EYS: variants seen among roughly 807,000 people sequenced by gnomAD.
EYS encodes EGF-like photoreceptor maintenance factor.
Under a neutral mutation model 282.1 loss-of-function variants are expected in EYS, and 250 were observed. That is an observed-to-expected ratio of 0.89 (90% CI 0.80 to 0.98). EYS has a LOEUF of 0.98. EYS is among the 50% of genes least tolerant of loss of function. The pLI, the probability that EYS is intolerant of heterozygous loss-of-function variation, is 0.00. For synonymous variants in EYS, 1,355 were observed against 1,282.9 expected (o/e 1.06, Z -1.20); for missense variants, 4,016 against 3,709.0 (o/e 1.08, Z -2.15).
intron 13 of EYS, among the ~76,000 whole-genome samples, chr6:65,012,227 GA>G (rs1771897250): frequency 1.3e-5 from 2 of 152,138 alleles, no homozygotes; most frequent in Non-Finnish European, 1.5e-5. Context: ...AAGTATTTAA[GA>G]AATAGGATTA....
At chr6:65,420,364 C>T (rs559987775) in intron 5 of EYS, among the ~76,000 whole-genome samples, 6 of 149,484 alleles carry the variant, frequency 4.0e-5, no homozygotes, top group Admixed American at 3.3e-4. Context: ...TTTGCTCATT[C>T]GTAAGAAACA....
chr6:64,257,681 C>T (rs1767444401), intron 30 of EYS, among the ~76,000 whole-genome samples: 1 of 151,832 alleles, frequency 6.6e-6, no homozygotes, highest in African/African-American at 2.4e-5. Context: ...TCCCCAACAC[C>T]AAATCAAGAA....
intron 22 of EYS, among the ~76,000 whole-genome samples, chr6:64,756,766 G>C (rs1287374571): frequency 6.6e-6 from 1 of 151,928 alleles, no homozygotes; most frequent in Non-Finnish European, 1.5e-5. Flanking sequence ...GTCTTGTTTT[G>C]AATCATAAGT....
chr6:65,491,562 T>C (rs745858395), intron 4 of EYS: 3 of 435,586 alleles, frequency 6.9e-6, no homozygotes, highest in Non-Finnish European at 1.4e-5. Context: ...AATGCAGAAC[T>C]TTTTTCTTCA....
chr6:63,766,852 A>G (rs1340242344), intron 40 of EYS, among the ~76,000 whole-genome samples: 2 of 151,990 alleles, frequency 1.3e-5, no homozygotes, highest in South Asian at 2.1e-4. Flanking sequence ...GGACAACTGG[A>G]TAGCAATATA....
chr6:63,847,738 AG>A (rs1772136651), intron 36 of EYS, among the ~76,000 whole-genome samples: 1 of 152,228 alleles, frequency 6.6e-6, no homozygotes, highest in Non-Finnish European at 1.5e-5. Context: ...TGCCTCTAAA[AG>A]TTTCAGTCTA....
At chr6:65,050,156 CAA>C (rs138948000) in intron 13 of EYS, among the ~76,000 whole-genome samples, 1 of 151,274 alleles carries the variant, frequency 6.6e-6, no homozygotes, top group Non-Finnish European at 1.5e-5. Context: ...ATAAAAGAAG[CAA>C]AAAAATATTT....
chr6:63,903,954 C>G (rs1773715092), intron 35 of EYS, among the ~76,000 whole-genome samples: 1 of 152,090 alleles, frequency 6.6e-6, no homozygotes, highest in African/African-American at 2.4e-5. Flanking sequence ...TATTTATAAC[C>G]CTCGATTTTG....
chr6:65,349,592 T>C (rs1412856204), intron 9 of EYS, among the ~76,000 whole-genome samples: 1 of 151,500 alleles, frequency 6.6e-6, no homozygotes, highest in Non-Finnish European at 1.5e-5. Flanking sequence ...TATTTTGAAG[T>C]ATATACACAT....
intron 26 of EYS, among the ~76,000 whole-genome samples, chr6:64,451,093 A>G (rs1775319097): frequency 6.6e-6 from 1 of 152,180 alleles, no homozygotes; most frequent in Non-Finnish European, 1.5e-5. Flanking sequence ...AAGATCAACA[A>G]AATTGATAGA....
intron 19 of EYS, among the ~76,000 whole-genome samples, chr6:64,827,601 C>A (rs954817683): frequency 1.3e-5 from 2 of 151,756 alleles, no homozygotes. Context: ...CAAGTTAATA[C>A]AGGCATACAA....
rs1337744312 is a variant in EYS, at chr6:65,429,073, G to A, written c.863-23706C>T. Among the ~76,000 whole-genome samples, 11 of 152,084 alleles carry A rather than the reference G, an allele frequency of 7.2e-5. No individual in the cohort carries two copies. In the South Asian group the frequency reaches 1.5e-3, roughly 20 times the overall value. ...CACATGCCTGAAATCCCAGCTACTC[G>A]GGAGGCTGAGGCAGAAGAATTGCTT... On this transcript the variant is annotated intron_variant, in intron 5 of 42. Transcript: ENST00000503581.
intron 37 of EYS, among the ~76,000 whole-genome samples, chr6:63,795,378 C>A (rs1770620460): frequency 1.3e-5 from 2 of 152,036 alleles, no homozygotes. Flanking sequence ...AACATGGAAA[C>A]AAGGTAAAGG....
In EYS at chr6:65,604,564, C is replaced by T. The variant is rs1323031635; in HGVS notation, c.-333+35214G>A. 2.6e-5 allele frequency among the ~76,000 whole-genome samples: 4 copies of T among 151,852 alleles called. No individual in the cohort carries two copies. The Admixed American group carries it at 2.6e-4, about 10-fold the overall frequency. ...TATATTTGTCAAAATTTGGAATGTA[C>T]ACTTAAGGTTTGTGCATTTTATTAT... On this transcript the variant is annotated intron_variant, in intron 2 of 42. Transcript: ENST00000503581.
In EYS at chr6:64,510,214, A is replaced by G. The variant is rs1582835963; in HGVS notation, c.5645-70862T>C. 2.6e-5 allele frequency among the ~76,000 whole-genome samples: 4 copies of G among 152,286 alleles called. No homozygotes were observed. The East Asian group carries it at 7.7e-4, about 29-fold the overall frequency. On this transcript the variant is annotated intron_variant, in intron 26 of 42. Transcript: ENST00000503581. ...CATGGACAGGCTATTTTTGGTGTAAATGTTCATAATTAATTTTCAGCAGCT... is the reference window on the plus strand; with the variant it reads ...CATGGACAGGCTATTTTTGGTGTAAGTGTTCATAATTAATTTTCAGCAGCT...
At chr6:64,645,395 T>C (rs1316052718) in intron 22 of EYS, among the ~76,000 whole-genome samples, 1 of 152,234 alleles carries the variant, frequency 6.6e-6, no homozygotes, top group Non-Finnish European at 1.5e-5. Context: ...CTGTATGTAA[T>C]CATGGATCTG....
At chr6:64,880,016 A>G (rs1766866616) in intron 19 of EYS, among the ~76,000 whole-genome samples, 1 of 151,996 alleles carries the variant, frequency 6.6e-6, no homozygotes, top group Non-Finnish European at 1.5e-5. Flanking sequence ...TTATACAGGC[A>G]AATCATACCT....
At chr6:63,976,311 C>A (rs990619168) in intron 35 of EYS, among the ~76,000 whole-genome samples, 2 of 151,958 alleles carry the variant, frequency 1.3e-5, no homozygotes, top group Admixed American at 6.6e-5. Context: ...TTACAATAGC[C>A]ACAACATCAC....
intron 22 of EYS, among the ~76,000 whole-genome samples, chr6:64,694,048 G>A (rs961884560): frequency 3.3e-5 from 5 of 152,032 alleles, no homozygotes; most frequent in African/African-American, 1.2e-4. Context: ...AGAAAAAACT[G>A]ATATAATCTT....
Sources: allele counts gnomAD v4.1 joint callset (sites outside exome capture counted in the v4.1 genomes callset), GRCh38; gene constraint gnomAD v4.1.1; transcripts MANE v1.5; gene names NCBI Gene and HGNC (gene_info 2026-07-23, HGNC 2026-07-21).